The following ABCC9 variants were observed in gnomAD, a reference collection of about 807,000 sequenced individuals.
ABCC9 encodes ATP-binding cassette sub-family C member 9.
Under a neutral mutation model 188.3 loss-of-function variants are expected in ABCC9, and 95 were observed. The ratio of observed to expected loss-of-function variants is 0.50; its 90% CI spans 0.43 to 0.60. ABCC9 has a LOEUF of 0.60. Among genes scored for constraint, ABCC9 ranks in the 20% least tolerant of loss-of-function variants. ABCC9 has a pLI of 0.00. For synonymous variants in ABCC9, 659 were observed against 652.7 expected (o/e 1.01, Z -0.15); for missense variants, 1,102 against 1,876.3 (o/e 0.59, Z 7.62).
intron 14 of ABCC9, among the ~76,000 whole-genome samples, chr12:21,888,319 C>G (rs1384391002): frequency 6.6e-6 from 1 of 152,008 alleles, no homozygotes; most frequent in African/African-American, 2.4e-5. Context: ...TCTTAGTATT[C>G]TAGTTTTACA....
At chr12:21,809,804 G>T in intron 37 of ABCC9, 48 bp downstream of exon 37, 2 of 1,102,866 alleles carry the variant, frequency 1.8e-6, no homozygotes, top group Non-Finnish European at 1.4e-6. Context: ...GACATATGTA[G>T]GATTAATGGC....
chr12:21,807,314 G>T, intron 38 of ABCC9, 32 bp downstream of exon 38: 21 of 1,613,288 alleles, frequency 1.3e-5, no homozygotes, highest in Non-Finnish European at 1.7e-5. Flanking sequence ...TCTCCAATTC[G>T]TCAATTTTAA....
chr12:21,846,062 C>G (rs764476183), intron 25 of ABCC9, among the ~76,000 whole-genome samples: 4 of 152,162 alleles, frequency 2.6e-5, no homozygotes, highest in Non-Finnish European at 4.4e-5. Context: ...CTGGATGAGA[C>G]TATTTGCTGA....
In ABCC9 at chr12:21,845,780, G is replaced by T; in HGVS notation, c.2919C>A (p.Leu973=). 6.2e-7 allele frequency: 1 copy of T among 1,613,844 alleles called. No homozygotes were observed. The highest frequency in any genetic ancestry group is 8.5e-7 in the Non-Finnish European group (1 of 1,179,852). ...AGGTTTTCCATGGCATTTTAGTCCTGAGCCTCATTACAGTGGACATGTTAT... is the reference window on the plus strand; with the variant it reads ...AGGTTTTCCATGGCATTTTAGTCCTTAGCCTCATTACAGTGGACATGTTAT... The part of the protein sequence containing the change: ...EDDNMSTVMR[L]RTKMPWKTCW... The change falls in exon 26 of 40, where the codon CTC becomes CTA. Residue 973 remains leucine (L), a synonymous_variant. Transcript: ENST00000261200.
chr12:21,924,189 A>T (rs1400105211), intron 5 of ABCC9: 1 of 200,794 alleles, frequency 5.0e-6, no homozygotes, highest in Non-Finnish European at 1.0e-5. Flanking sequence ...GCAAATTAAG[A>T]TCGCTGTGTT....
Position 21,819,741 on chromosome 12 carries a change from T to A in ABCC9, c.3670-1490A>T, listed in dbSNP as rs141399077. ...GATGTTTAAAGCAAACTTAAAAATG[T>A]GTATGCATCATAAAACATCAAAGGT... On this transcript the variant is annotated intron_variant, in intron 31 of 39. Transcript: ENST00000261200. 6.4e-4 allele frequency among the ~76,000 whole-genome samples: 98 copies of A among 152,336 alleles called. 1 individual carries two copies. In the East Asian group the frequency reaches 0.018, roughly 28 times the overall value.
chr12:21,853,891 G>A (rs1268746909), intron 22 of ABCC9, among the ~76,000 whole-genome samples: 1 of 152,170 alleles, frequency 6.6e-6, no homozygotes, highest in East Asian at 1.9e-4. Flanking sequence ...GATGTTTCAG[G>A]TAAAAACTGG....
chr12:21,915,984 C>T, intron 6 of ABCC9, 74 bp from the exon 7 acceptor site: 2 of 1,476,974 alleles, frequency 1.4e-6, no homozygotes, highest in East Asian at 2.4e-5. Context: ...AAATTTCAAC[C>T]TTTTCTACAT....
intron 5 of ABCC9, chr12:21,923,494 C>G: frequency 4.6e-6 from 1 of 215,244 alleles, no homozygotes; most frequent in Non-Finnish European, 9.1e-6. Flanking sequence ...TAGCCACATC[C>G]CAAAGATTAA....
intron 25 of ABCC9, among the ~76,000 whole-genome samples, chr12:21,846,529 A>G (rs1047535268): frequency 9.2e-5 from 14 of 152,142 alleles, no homozygotes; most frequent in African/African-American, 3.1e-4. Context: ...ACTTCATACT[A>G]TACTATATAC....
At chr12:21,807,772 C>T (rs1461652296) in intron 37 of ABCC9, among the ~76,000 whole-genome samples, 1 of 152,172 alleles carries the variant, frequency 6.6e-6, no homozygotes, top group Non-Finnish European at 1.5e-5. Context: ...ATACAATTCT[C>T]TAAGGAGATT....
At chr12:21,883,084 A>C (rs958167632) in intron 15 of ABCC9, among the ~76,000 whole-genome samples, 3 of 152,246 alleles carry the variant, frequency 2.0e-5, no homozygotes, top group Non-Finnish European at 2.9e-5. Context: ...AAAATGAAAA[A>C]TATGAAAATA....
chr12:21,912,529 A>G (rs7979299), intron 8 of ABCC9, among the ~76,000 whole-genome samples: 151,560 of 152,010 alleles, frequency 1, 75,559 homozygotes, highest in Middle Eastern at 1. Flanking sequence ...TCAGCCACCC[A>G]TCATGTATAA....
intron 39 of ABCC9, chr12:21,805,201 A>C: frequency 1.2e-6 from 2 of 1,614,070 alleles, no homozygotes; most frequent in Non-Finnish European, 1.7e-6. Flanking sequence ...CCAAAGTGGA[A>C]AAGAGGCCAT....
At chr12:21,901,461 C>G (rs576311042) in intron 12 of ABCC9, among the ~76,000 whole-genome samples, 5 of 152,066 alleles carry the variant, frequency 3.3e-5, no homozygotes, top group African/African-American at 4.8e-5. Context: ...ACAATATTAA[C>G]CTTAAAAGTA....
intron 2 of ABCC9, 99 bp from the exon 3 acceptor site, chr12:21,936,793 A>G (rs1949507767): frequency 1.1e-6 from 1 of 873,410 alleles, no homozygotes; most frequent in Non-Finnish European, 1.7e-6. Flanking sequence ...TCATAAAATT[A>G]ATCCCTTTTA....
intron 29 of ABCC9, among the ~76,000 whole-genome samples, chr12:21,840,463 A>G (rs1333453734): frequency 2.0e-5 from 3 of 152,242 alleles, no homozygotes; most frequent in African/African-American, 7.2e-5. Context: ...GATGAACAGA[A>G]TTCACAATTC....
chr12:21,933,700 A>G, intron 4 of ABCC9, 82 bp downstream of exon 4: 1 of 1,534,586 alleles, frequency 6.5e-7, no homozygotes, highest in Middle Eastern at 1.7e-4. Context: ...ATTTATGGGC[A>G]CAAGTTACAA....
chr12:21,838,002 G>A lies in ABCC9; in HGVS notation c.3566+76C>T, dbSNP rs1944190823. The stretch of plus-strand genomic sequence containing the variant: ...GGAGATCAAACAAAATGAAAGCAAT[G>A]ATCAGTTATTTGTAGAAAAATATTT... On this transcript the variant is annotated intron_variant, in intron 30 of 39. Coordinates refer to ENST00000261200, the MANE Select transcript of ABCC9 (RefSeq NM_020297.4). 10 of 1,179,648 alleles carry A rather than the reference G, an allele frequency of 8.5e-6. No individual in the cohort carries two copies. In the Middle Eastern group the frequency reaches 2.3e-3, roughly 276 times the overall value. The allele number at this position is 1,179,648 out of a possible 1,614,324, so 73.1% of individuals were successfully genotyped here.
Sources: allele counts gnomAD v4.1 joint callset (sites outside exome capture counted in the v4.1 genomes callset), GRCh38; gene constraint gnomAD v4.1.1; transcripts MANE v1.5; gene names NCBI Gene and HGNC (gene_info 2026-07-23, HGNC 2026-07-21).